Variants in PLCE1 observed in about 807,000 individuals in gnomAD.
The protein encoded by PLCE1 is 1-phosphatidylinositol 4,5-bisphosphate phosphodiesterase epsilon-1.
In PLCE1, 119 loss-of-function variants were observed where a neutral mutation model predicts 242.8. The ratio of observed to expected loss-of-function variants is 0.49; its 90% CI spans 0.42 to 0.57. The LOEUF (loss-of-function observed/expected upper bound fraction) is 0.57. PLCE1 is among the 20% of genes least tolerant of loss of function. The pLI, the probability that PLCE1 is intolerant of heterozygous loss-of-function variation, is 0.00. For missense variants in PLCE1, 2,441 were observed against 2,788.8 expected (o/e 0.88, Z 2.81); for synonymous variants, 945 against 1,017.4 (o/e 0.93, Z 1.35).
chr10:94,032,188 C>G lies in PLCE1; in HGVS notation c.1142C>G (p.Pro381Arg), dbSNP rs780910033. Residue 381 changes from proline to arginine, a missense_variant, in exon 2 of 33, where the codon CCC becomes CGC. Physicochemically the swap from Pro to Arg is moderately radical, Grantham distance 103 (BLOSUM62 -2). Around this residue, in one of 5 missense-constraint regions of PLCE1, gnomAD observed 733 missense variants for 754.2 expected, o/e 0.97. Transcript: ENST00000371380. Reference protein sequence around the residue: ...PLLPCGRVMEPPSTVEIRQDG... With the variant: ...PLLPCGRVMERPSTVEIRQDG... ...CTGCCTTGTGGGAGAGTAATGGAACCCCCGTCAACAGTGGAGATAAGGCAA... is the reference window on the plus strand; with the variant it reads ...CTGCCTTGTGGGAGAGTAATGGAACGCCCGTCAACAGTGGAGATAAGGCAA... 5 of 1,611,836 alleles carry G rather than the reference C, an allele frequency of 3.1e-6. No individual in the cohort carries two copies. In the African/African-American group the frequency reaches 6.7e-5, roughly 22 times the overall value.
chr10:94,093,772 A>G (rs1256331633), intron 2 of PLCE1, among the ~76,000 whole-genome samples: 1 of 151,946 alleles, frequency 6.6e-6, no homozygotes, highest in Non-Finnish European at 1.5e-5. Flanking sequence ...CATGACCTGC[A>G]CTCTGTGTCG....
In PLCE1 at chr10:94,273,612, C is replaced by A; in HGVS notation, c.4557C>A (p.Phe1519Leu). 6.2e-7 allele frequency: 1 copy of A among 1,613,626 alleles called. No homozygotes were observed. The highest frequency in any genetic ancestry group is 1.3e-5 in the African/African-American group (1 of 75,024). Residue 1519 changes from phenylalanine to leucine, a missense_variant, in exon 19 of 33, where the codon TTC becomes TTA. Around this residue, in one of 5 missense-constraint regions of PLCE1, gnomAD observed 1,004 missense variants for 1,322.7 expected, o/e 0.76. Transcript: ENST00000371380. ...CTAAATTCTTATTTGAGACTGATTT[C>A]TCAGATGATCCAATGCTTCCTTCAC... is the stretch of plus-strand genomic sequence containing the variant. ...LVTKFLFETD[F>L]SDDPMLPSPD...
chr10:94,047,006 ACCTTT>A (rs1467655256), intron 2 of PLCE1, among the ~76,000 whole-genome samples: 3 of 152,098 alleles, frequency 2.0e-5, no homozygotes, highest in African/African-American at 7.2e-5. Flanking sequence ...TTTATAAATA[ACCTTT>A]TTAAAATAAA....
At chr10:94,015,261 C>G (rs2061256455) in intron 1 of PLCE1, among the ~76,000 whole-genome samples, 2 of 151,998 alleles carry the variant, frequency 1.3e-5, no homozygotes, top group South Asian at 4.1e-4. Context: ...TAAAATGAAT[C>G]AAATTTTACT....
Position 94,132,213 on chromosome 10 carries a change from G to T in PLCE1, c.1246G>T (p.Val416Phe). The T allele has an allele frequency of 6.2e-7, 1 of 1,614,112 alleles. No homozygotes were observed. ...AVRREETENT[V>F]GSLLHFLTKL... is the part of the protein sequence containing the mutation. The stretch of plus-strand genomic sequence containing the variant: ...GAGAAGAGAAGAAACAGAAAATACA[G>T]TTGGATCTCTACTCCATTTCCTCAC... Residue 416 changes from valine (V) to phenylalanine (F), a missense_variant, in exon 3 of 33, where the codon GTT becomes TTT. Coordinates refer to ENST00000371380, the MANE Select transcript of PLCE1 (RefSeq NM_016341.4).
intron 2 of PLCE1, among the ~76,000 whole-genome samples, chr10:94,075,192 C>T (rs1364279904): frequency 6.6e-6 from 1 of 152,132 alleles, no homozygotes; most frequent in Non-Finnish European, 1.5e-5. Context: ...TGTTTTTGCA[C>T]CTTTAGCAGA....
intron 4 of PLCE1, among the ~76,000 whole-genome samples, chr10:94,213,741 A>G (rs1158700070): frequency 6.6e-6 from 1 of 152,200 alleles, no homozygotes; most frequent in Non-Finnish European, 1.5e-5. Context: ...CTGGCCCTGT[A>G]ATAAAAAGGC....
At position 94,185,425 on chromosome 10, in the gene PLCE1, G is replaced by C; in HGVS notation, c.1809+13929G>C. Among the ~76,000 whole-genome samples, 2 of 152,292 alleles carry C rather than the reference G, an allele frequency of 1.3e-5. 1 individual carries two copies. The highest frequency in any genetic ancestry group is 4.1e-4 in the South Asian group (2 of 4,820). ...GCAGGAGAATCACTTGAACCCAGGA[G>C]GCAGAGGTTGCAGTGAGCTGAGTTT... On this transcript the variant is annotated intron_variant, in intron 4 of 32. Coordinates refer to ENST00000371380, the MANE Select transcript of PLCE1 (RefSeq NM_016341.4).
intron 1 of PLCE1, among the ~76,000 whole-genome samples, chr10:93,995,815 A>T (rs912397029): frequency 6.6e-6 from 1 of 152,232 alleles, no homozygotes; most frequent in Non-Finnish European, 1.5e-5. Flanking sequence ...ATGTGGTCCA[A>T]GTTTGACCTG....
intron 3 of PLCE1, among the ~76,000 whole-genome samples, chr10:94,166,218 A>C (rs774354782): frequency 6.6e-6 from 1 of 152,154 alleles, no homozygotes; most frequent in Non-Finnish European, 1.5e-5. Flanking sequence ...TTGTGAAATA[A>C]ATTCAGTTTC....
intron 2 of PLCE1, among the ~76,000 whole-genome samples, chr10:94,046,522 C>T (rs1217839729): frequency 6.6e-6 from 1 of 152,212 alleles, no homozygotes; most frequent in Non-Finnish European, 1.5e-5. Context: ...CTCAAAGAGA[C>T]AATGACCTTT....
chr10:94,255,100 G>A (rs1458587218), intron 11 of PLCE1, 51 bp downstream of exon 11: 1 of 1,561,798 alleles, frequency 6.4e-7, no homozygotes, highest in African/African-American at 1.4e-5. Context: ...TATTCCAGTT[G>A]TGTGGAAGGG....
chr10:94,009,839 G>C (rs2061131938), intron 1 of PLCE1, among the ~76,000 whole-genome samples: 1 of 152,252 alleles, frequency 6.6e-6, no homozygotes, highest in Non-Finnish European at 1.5e-5. Flanking sequence ...AGTACCCATG[G>C]CTGCTCTCGC....
intron 2 of PLCE1, among the ~76,000 whole-genome samples, chr10:94,036,375 C>T (rs2061664388): frequency 6.6e-6 from 1 of 152,272 alleles, no homozygotes; most frequent in South Asian, 2.1e-4. Flanking sequence ...ACAATCCTTC[C>T]CACACATTTA....
chr10:94,239,149 G>C (rs2050417258), intron 7 of PLCE1, among the ~76,000 whole-genome samples: 1 of 152,202 alleles, frequency 6.6e-6, no homozygotes, highest in Admixed American at 6.6e-5. Flanking sequence ...TGATTAATGT[G>C]TGTATCACAC....
chr10:94,207,521 G>A (rs1317943334), intron 4 of PLCE1, among the ~76,000 whole-genome samples: 1 of 73,748 alleles, frequency 1.4e-5, no homozygotes, highest in Admixed American at 1.3e-4. Flanking sequence ...ATACGTGTGT[G>A]TGTGTGTGTG....
chr10:94,016,595 T>A (rs1237891632), intron 1 of PLCE1, among the ~76,000 whole-genome samples: 1 of 152,200 alleles, frequency 6.6e-6, no homozygotes, highest in Non-Finnish European at 1.5e-5. Flanking sequence ...ATGCTTAACC[T>A]GTGTTTTGTC....
chr10:94,058,788 A>G (rs987717731), intron 2 of PLCE1, among the ~76,000 whole-genome samples: 25 of 152,338 alleles, frequency 1.6e-4, no homozygotes, highest in African/African-American at 6.0e-4. Context: ...ATGGCATTCT[A>G]TCATTTACTT....
At chr10:94,018,367 G>A (rs558837329) in intron 1 of PLCE1, among the ~76,000 whole-genome samples, 1 of 152,306 alleles carries the variant, frequency 6.6e-6, no homozygotes, top group Admixed American at 6.5e-5. Context: ...GCCCAGGATA[G>A]TTCTACTGCT....
Sources: allele counts gnomAD v4.1 joint callset (sites outside exome capture counted in the v4.1 genomes callset), GRCh38; gene constraint gnomAD v4.1.1; regional missense constraint gnomAD v4.1.1; transcripts MANE v1.5; gene names NCBI Gene and HGNC (gene_info 2026-07-23, HGNC 2026-07-21).